The following MBD5 variants were observed in gnomAD, a reference collection of about 807,000 sequenced individuals.
MBD5 encodes methyl-CpG binding domain protein 5.
Under a neutral mutation model 117.3 loss-of-function variants are expected in MBD5, and 13 were observed. That is an observed-to-expected ratio of 0.11 (90% confidence interval 0.07 to 0.18). The LOEUF is 0.18. Among genes scored for constraint, MBD5 ranks in the 10% least tolerant of loss-of-function variants. The probability of loss-of-function intolerance (pLI) is 1.00; values close to 1 mark genes in which losing one functional copy is unlikely to be tolerated. For synonymous variants in MBD5, 727 were observed against 766.4 expected, an observed-to-expected ratio of 0.95 and a Z score of 0.85; for missense variants, 1,879 against 2,093.8, an observed-to-expected ratio of 0.90 and a Z score of 2.00.
At chr2:148,206,192 A>C (rs535509560) in intron 2 of MBD5, among the ~76,000 whole-genome samples, 30 of 152,236 alleles carry the variant, frequency 2.0e-4, no homozygotes, top group African/African-American at 7.2e-4. Flanking sequence ...ATACACACGC[A>C]TATATATGTA....
chr2:148,230,909 C>G (rs963692599), intron 2 of MBD5, among the ~76,000 whole-genome samples: 1 of 152,170 alleles, frequency 6.6e-6, no homozygotes, highest in African/African-American at 2.4e-5. Context: ...TGTGGCTGAG[C>G]TGGTATCCAA....
Position 148,515,280 on chromosome 2 carries a change from ATTCAGT to A in MBD5, c.*2342_*2347del, listed in dbSNP as rs1341702111. ...GCCTTCTTTTTGGTATTTTGAGCTAATTCAGTTTGTGCTTCCCTCCCATTGTATACT... is the reference window on the plus strand; with the variant it reads ...GCCTTCTTTTTGGTATTTTGAGCTAATTGTGCTTCCCTCCCATTGTATACT... On this transcript the variant is annotated 3_prime_UTR_variant, in exon 14 of 14. Coordinates refer to ENST00000642680, the MANE Select transcript of MBD5 (RefSeq NM_001378120.1). 2.0e-5 allele frequency: 3 copies of A among 152,160 alleles called. No individual in the cohort carries two copies. The highest frequency in any genetic ancestry group is 4.1e-4 in the South Asian group (2 of 4,822). The allele number at this position is 152,160 out of a possible 1,614,324, so 9.4% of individuals were successfully genotyped here. A position where few individuals can be genotyped will look rare whatever the true frequency, so the allele number is the denominator to read the frequency against.
At chr2:148,336,517 G>A (rs911151117) in intron 3 of MBD5, among the ~76,000 whole-genome samples, 41 of 152,010 alleles carry the variant, frequency 2.7e-4, no homozygotes, top group African/African-American at 9.7e-4. Flanking sequence ...CTCCCTTGTA[G>A]CTGGGACTAC....
In MBD5 at chr2:148,021,504, G is replaced by A. The variant is rs1693728012; in HGVS notation, c.-1105G>A. On this transcript the variant is annotated 5_prime_UTR_variant, in exon 1 of 14. Coordinates refer to ENST00000642680, the MANE Select transcript of MBD5 (RefSeq NM_001378120.1). ...TGTTGCTGCTGCTGCTGCTACTGCTGCTGCTGCTACTGCTGCTGCTTGGCC... is the reference window on the plus strand; with the variant it reads ...TGTTGCTGCTGCTGCTGCTACTGCTACTGCTGCTACTGCTGCTGCTTGGCC... 3.5e-6 allele frequency: 2 copies of A among 578,208 alleles called. No individual in the cohort carries two copies. Among genetic ancestry groups the A allele is most frequent in the African/African-American group, 1.9e-5 (1 of 52,956 alleles). 35.8% of individuals were successfully genotyped at this position (578,208 alleles called of 1,614,324 possible).
intron 4 of MBD5, among the ~76,000 whole-genome samples, chr2:148,375,588 G>A (rs1431970510): frequency 2.0e-5 from 3 of 152,084 alleles, no homozygotes; most frequent in Admixed American, 2.0e-4. Flanking sequence ...TACTTGCCTT[G>A]CTGTTAGCAG....
chr2:148,401,138 A>C (rs918012228), intron 4 of MBD5, among the ~76,000 whole-genome samples: 1 of 152,182 alleles, frequency 6.6e-6, no homozygotes, highest in East Asian at 1.9e-4. Context: ...AGCATTTTTC[A>C]TATCTGCCAA....
chr2:148,260,468 T>C (rs77817715), intron 3 of MBD5: 19,337 of 152,620 alleles, frequency 0.13, 1,485 homozygotes, highest in Non-Finnish European at 0.18. Context: ...AGTTTTGAAC[T>C]CATTAAAGTC....
chr2:148,465,486 T>C (rs1290206485), intron 7 of MBD5, among the ~76,000 whole-genome samples: 1 of 152,178 alleles, frequency 6.6e-6, no homozygotes, highest in East Asian at 1.9e-4. Context: ...TGAGGGATTA[T>C]TGATACTTTC....
At chr2:148,323,858 T>G (rs1702361188) in intron 3 of MBD5, among the ~76,000 whole-genome samples, 1 of 152,222 alleles carries the variant, frequency 6.6e-6, no homozygotes, top group Non-Finnish European at 1.5e-5. Flanking sequence ...TAGATCCCAT[T>G]TGTCAATTTT....
At chr2:148,218,131 T>A (rs962274465) in intron 2 of MBD5, among the ~76,000 whole-genome samples, 2 of 152,164 alleles carry the variant, frequency 1.3e-5, no homozygotes, top group Non-Finnish European at 2.9e-5. Context: ...GGCATGGGAC[T>A]TAAGAGTATA....
At chr2:148,202,701 A>T (rs1699174145) in intron 2 of MBD5, among the ~76,000 whole-genome samples, 1 of 152,150 alleles carries the variant, frequency 6.6e-6, no homozygotes, top group Non-Finnish European at 1.5e-5. Flanking sequence ...TTTTAGAGGT[A>T]ACTTCAATGG....
At chr2:148,088,054 T>C (rs1695841518) in intron 1 of MBD5, among the ~76,000 whole-genome samples, 2 of 151,466 alleles carry the variant, frequency 1.3e-5, no homozygotes, top group Non-Finnish European at 2.9e-5. Flanking sequence ...AAAGATAGAC[T>C]TAGAGAAATA....
At chr2:148,194,622 A>C (rs1279885947) in intron 2 of MBD5, among the ~76,000 whole-genome samples, 2 of 101,304 alleles carry the variant, frequency 2.0e-5, no homozygotes, top group Non-Finnish European at 4.1e-5. Context: ...GGGTCGGGGG[A>C]GGGGGGAGGG....
At chr2:148,463,710 A>T in intron 6 of MBD5, 29 bp from the exon 7 acceptor site, 1 of 1,611,770 alleles carries the variant, frequency 6.2e-7, no homozygotes, top group Non-Finnish European at 8.5e-7. Flanking sequence ...TTACAGACAT[A>T]TTCTAAACAA....
At chr2:148,257,055 G>A (rs1700608416) in intron 3 of MBD5, among the ~76,000 whole-genome samples, 2 of 152,198 alleles carry the variant, frequency 1.3e-5, no homozygotes, top group Admixed American at 1.3e-4. Flanking sequence ...CTGAAGGGTG[G>A]CATATATAGC....
chr2:148,347,976 C>G (rs1703162789), intron 4 of MBD5, among the ~76,000 whole-genome samples: 1 of 151,918 alleles, frequency 6.6e-6, no homozygotes, highest in Non-Finnish European at 1.5e-5. Context: ...GAAGCTTTGT[C>G]TGATTCTTCC....
intron 11 of MBD5, among the ~76,000 whole-genome samples, chr2:148,502,210 G>A (rs576570293): frequency 6.6e-6 from 1 of 152,252 alleles, no homozygotes; most frequent in Admixed American, 6.5e-5. Flanking sequence ...TCAAAATGTT[G>A]ACAATTTTAA....
chr2:148,035,235 G>T (rs1280963520), intron 1 of MBD5, among the ~76,000 whole-genome samples: 1 of 152,040 alleles, frequency 6.6e-6, no homozygotes, highest in Non-Finnish European at 1.5e-5. Flanking sequence ...TTCTAAGAGA[G>T]GGAAGATATG....
intron 3 of MBD5, among the ~76,000 whole-genome samples, chr2:148,267,344 C>T (rs1192237471): frequency 6.6e-6 from 1 of 152,090 alleles, no homozygotes; most frequent in Non-Finnish European, 1.5e-5. Context: ...GAAATGAGTA[C>T]ACTAATCTCA....
Sources: allele counts gnomAD v4.1 joint callset (sites outside exome capture counted in the v4.1 genomes callset), GRCh38; gene constraint gnomAD v4.1.1; transcripts MANE v1.5; gene names NCBI Gene and HGNC (gene_info 2026-07-23, HGNC 2026-07-21).